Variants in NDUFAF2 observed in about 807,000 individuals in gnomAD.
NDUFAF2 encodes NADH dehydrogenase [ubiquinone] 1 alpha subcomplex assembly factor 2.
NDUFAF2 carries 13 observed loss-of-function variants against 22.8 expected under a neutral mutation model. The observed-to-expected ratio is 0.57, with a 90% confidence interval of 0.37 to 0.91. NDUFAF2 has a LOEUF of 0.91. Among genes scored for constraint, NDUFAF2 ranks in the 40% least tolerant of loss-of-function variants. NDUFAF2 has a pLI of 0.01. For synonymous variants in NDUFAF2, 53 were observed against 64.2 expected, an observed-to-expected ratio of 0.83 and a Z score of 0.84; for missense variants, 162 against 195.2, an observed-to-expected ratio of 0.83 and a Z score of 1.01.
chr5:61,140,702 C>G (rs75040034), intron 3 of NDUFAF2, among the ~76,000 whole-genome samples: 1 of 152,172 alleles, frequency 6.6e-6, no homozygotes, highest in Non-Finnish European at 1.5e-5. Flanking sequence ...CAGGGTGAAA[C>G]CTAAATATCC....
At chr5:61,015,828 T>C (rs1751499588) in intron 1 of NDUFAF2, among the ~76,000 whole-genome samples, 1 of 152,134 alleles carries the variant, frequency 6.6e-6, no homozygotes. Flanking sequence ...CCTTGCCCTG[T>C]CTTATGGTGG....
chr5:61,035,795 T>C (rs1229709739), intron 1 of NDUFAF2, among the ~76,000 whole-genome samples: 1 of 152,160 alleles, frequency 6.6e-6, no homozygotes, highest in Non-Finnish European at 1.5e-5. Flanking sequence ...TATTAAGATA[T>C]TTATTTTCAT....
intron 1 of NDUFAF2, among the ~76,000 whole-genome samples, chr5:60,990,859 A>G (rs1413922735): frequency 6.6e-6 from 1 of 152,122 alleles, no homozygotes; most frequent in Non-Finnish European, 1.5e-5. Flanking sequence ...CCTCCCAGAT[A>G]TGGATTGTCA....
At chr5:61,056,757 G>A (rs1228731271) in intron 1 of NDUFAF2, among the ~76,000 whole-genome samples, 5 of 150,468 alleles carry the variant, frequency 3.3e-5, no homozygotes, top group African/African-American at 4.9e-5. Context: ...GCATGGTGGC[G>A]CGTGCCTGTA....
intron 1 of NDUFAF2, among the ~76,000 whole-genome samples, chr5:60,963,850 G>T (rs1409550541): frequency 6.6e-6 from 1 of 152,176 alleles, no homozygotes; most frequent in Admixed American, 6.5e-5. Flanking sequence ...GATGGTTAGG[G>T]TAGATTCATT....
chr5:61,060,591 C>T (rs1752151776), intron 1 of NDUFAF2, among the ~76,000 whole-genome samples: 1 of 152,100 alleles, frequency 6.6e-6, no homozygotes, highest in African/African-American at 2.4e-5. Flanking sequence ...ATTTGATCAC[C>T]ATTCCTCCAA....
Position 61,112,455 on chromosome 5 carries a change from G to A in NDUFAF2, c.258+13423G>A, listed in dbSNP as rs534626625. 5.9e-5 allele frequency among the ~76,000 whole-genome samples: 9 copies of A among 152,004 alleles called. No individual in the cohort carries two copies. In the East Asian group the frequency reaches 7.8e-4, roughly 13 times the overall value. On this transcript the variant is annotated intron_variant, in intron 3 of 3. Coordinates refer to ENST00000296597, the MANE Select transcript of NDUFAF2 (RefSeq NM_174889.5). ...TCTCGATCTTCTGACCTCGTGATCC[G>A]CCCACTTCAGCCTCCCAAAGTGCTG...
At position 60,972,043 on chromosome 5, in the gene NDUFAF2, A is replaced by G. The variant is rs182473390; in HGVS notation, c.127+26661A>G. The stretch of plus-strand genomic sequence containing the variant: ...CTGCAACTGCCACCTCCCGAGTTCA[A>G]GCAATTCTCCTGCCTCAGCCTCCTG... On this transcript the variant is annotated intron_variant, in intron 1 of 3. Coordinates refer to ENST00000296597, the MANE Select transcript of NDUFAF2 (RefSeq NM_174889.5). Among the ~76,000 whole-genome samples, 41 of 150,174 alleles carry G rather than the reference A, an allele frequency of 2.7e-4. 1 individual carries two copies. The East Asian group carries it at 7.4e-3, about 27-fold the overall frequency.
At chr5:60,961,100 A>T (rs1323422646) in intron 1 of NDUFAF2, among the ~76,000 whole-genome samples, 1 of 152,058 alleles carries the variant, frequency 6.6e-6, no homozygotes, top group African/African-American at 2.4e-5. Flanking sequence ...GGTGAATGAG[A>T]GAGAGGATGA....
rs1444391526 is a variant in NDUFAF2 at position 61,153,013 on chromosome 5, G to T, written c.*58G>T. The T allele has an allele frequency of 1.9e-6, 3 of 1,571,106 alleles. No homozygotes were observed. Among genetic ancestry groups the T allele is most frequent in the East Asian group, 2.3e-5 (1 of 43,874 alleles). On this transcript the variant is annotated 3_prime_UTR_variant, in exon 4 of 4. Transcript: ENST00000296597. ...GATGTGACTATTTTAACAAATAAAA[G>T]AAGTGAAAAGTTATTTACCTTGTAT... is the stretch of plus-strand genomic sequence containing the variant.
intron 2 of NDUFAF2, among the ~76,000 whole-genome samples, chr5:61,085,837 G>A (rs1046057376): frequency 2.0e-5 from 3 of 152,022 alleles, no homozygotes; most frequent in African/African-American, 7.2e-5. Context: ...AATATCAGCC[G>A]GGTGAGGTGG....
At chr5:61,073,013 GTTAAT>G (rs1314666455) in intron 1 of NDUFAF2, 107 bp from the exon 2 acceptor site, 10 of 715,844 alleles carry the variant, frequency 1.4e-5, no homozygotes, top group Admixed American at 2.3e-5. Flanking sequence ...TCGTTTTCCT[GTTAAT>G]TTAATTCTTT....
chr5:61,076,354 G>T (rs1752370701), intron 2 of NDUFAF2, among the ~76,000 whole-genome samples: 1 of 152,192 alleles, frequency 6.6e-6, no homozygotes, highest in African/African-American at 2.4e-5. Context: ...GATTACAGGC[G>T]TGAGCCACCG....
intron 1 of NDUFAF2, among the ~76,000 whole-genome samples, chr5:60,949,076 A>G (rs2112561502): frequency 6.6e-6 from 1 of 152,240 alleles, no homozygotes; most frequent in East Asian, 1.9e-4. Context: ...ATACAGTAAA[A>G]TTAACTTTTA....
intron 1 of NDUFAF2, among the ~76,000 whole-genome samples, chr5:61,002,674 T>A (rs1288812375): frequency 6.6e-6 from 1 of 152,158 alleles, no homozygotes. Flanking sequence ...CAATATAATA[T>A]ATGCACTGTT....
intron 3 of NDUFAF2, among the ~76,000 whole-genome samples, chr5:61,105,730 T>C (rs1296701077): frequency 1.3e-5 from 2 of 150,910 alleles, no homozygotes; most frequent in African/African-American, 4.9e-5. Context: ...GTAAAGATAG[T>C]GGGTCAAACA....
chr5:61,039,596 G>A (rs761156567), intron 1 of NDUFAF2, among the ~76,000 whole-genome samples: 11 of 152,084 alleles, frequency 7.2e-5, no homozygotes, highest in Non-Finnish European at 1.6e-4. Context: ...CTTCTGTTTT[G>A]CCAATTAACT....
chr5:61,011,806 G>C (rs1751445919), intron 1 of NDUFAF2, among the ~76,000 whole-genome samples: 1 of 152,044 alleles, frequency 6.6e-6, no homozygotes, highest in South Asian at 2.1e-4. Flanking sequence ...TATATCCTCA[G>C]TGCCTAGCAT....
intron 3 of NDUFAF2, among the ~76,000 whole-genome samples, chr5:61,126,747 C>T (rs1019711200): frequency 1.3e-5 from 2 of 151,820 alleles, no homozygotes; most frequent in Non-Finnish European, 2.9e-5. Context: ...CATGGATTCA[C>T]CTAAGAAAAC....
Sources: gnomAD v4.1 joint callset for allele counts (sites outside exome capture counted in the v4.1 genomes callset) on GRCh38, gnomAD v4.1.1 for gene constraint, MANE v1.5 for transcripts, NCBI Gene and HGNC (gene_info 2026-07-23, HGNC 2026-07-21) for gene names.